The following PHF21B variants were observed in gnomAD, a reference collection of about 807,000 sequenced individuals.
The protein encoded by PHF21B is PHD finger protein 4.
A neutral mutation model predicts 62.2 loss-of-function variants in PHF21B; 22 were observed. That is an observed-to-expected ratio of 0.35 (90% CI 0.25 to 0.51). The LOEUF (loss-of-function observed/expected upper bound fraction) is 0.51. Ranked by LOEUF, PHF21B falls within the 20% of genes least tolerant of loss-of-function variation. The pLI is 0.97. For synonymous variants in PHF21B, 341 were observed against 314.7 expected (o/e 1.08, Z -0.88); for missense variants, 701 against 707.9 (o/e 0.99, Z 0.11).
intron 2 of PHF21B, among the ~76,000 whole-genome samples, chr22:44,935,760 TCA>T (rs1236674319): frequency 1.3e-5 from 2 of 152,170 alleles, no homozygotes; most frequent in African/African-American, 4.8e-5. Flanking sequence ...CTCCTGAGCC[TCA>T]GTTTCCTCAT....
chr22:44,889,654 G>A, intron 9 of PHF21B, 106 bp downstream of exon 9: 2 of 1,382,488 alleles, frequency 1.4e-6, no homozygotes, highest in Non-Finnish European at 2.0e-6. Context: ...AAGGCCTTCT[G>A]CACCACTCCG....
chr22:44,897,210 T>A (rs887090780), intron 5 of PHF21B, among the ~76,000 whole-genome samples: 1 of 152,092 alleles, frequency 6.6e-6, no homozygotes, highest in African/African-American at 2.4e-5. Flanking sequence ...CATGACACTG[T>A]ATTGTCTACA....
chr22:44,901,777 C>T (rs538632838), intron 5 of PHF21B: 232 of 306,852 alleles, frequency 7.6e-4, no homozygotes, highest in Non-Finnish European at 9.3e-4. Flanking sequence ...CCAGAAAGGC[C>T]GTGTACAAGA....
At chr22:44,915,500 C>T (rs1436909631) in intron 4 of PHF21B, among the ~76,000 whole-genome samples, 1 of 152,220 alleles carries the variant, frequency 6.6e-6, no homozygotes, top group Non-Finnish European at 1.5e-5. Context: ...CCACCATGGC[C>T]CATGACAACT....
chr22:44,895,648 G>A (rs28460458), intron 6 of PHF21B, among the ~76,000 whole-genome samples: 12,026 of 152,180 alleles, frequency 0.079, 486 homozygotes, highest in African/African-American at 0.1. Flanking sequence ...TGGTGGGACC[G>A]GGCAGTCTGC....
rs34100382 is a variant in PHF21B at position 44,923,331 on chromosome 22, C to CAA, written c.121-2843_121-2842dup. ...CTTCAGTCCATACCACATACCATAT[C>CAA]AAAAAAAAAAAAAAAAGAACAAATG... On this transcript the variant is annotated intron_variant, in intron 2 of 12. Coordinates refer to ENST00000313237, the MANE Select transcript of PHF21B (RefSeq NM_138415.5). 9.6e-5 allele frequency among the ~76,000 whole-genome samples: 12 copies of CAA among 125,108 alleles called. 2 individuals are homozygous for CAA. The highest frequency in any genetic ancestry group is 1.4e-4 in the African/African-American group (5 of 34,928). 82.1% of individuals were successfully genotyped at this position (125,108 alleles called of 152,430 possible). A position where few individuals can be genotyped will look rare whatever the true frequency, so the allele number is the denominator to read the frequency against.
intron 4 of PHF21B, 121 bp downstream of exon 4, chr22:44,916,159 A>G (rs750188508): frequency 2.2e-6 from 2 of 928,556 alleles, no homozygotes; most frequent in Non-Finnish European, 1.6e-6. Context: ...CCACTTGATC[A>G]TTCTGCCTCC....
In PHF21B at chr22:44,967,501, G is replaced by GT. The variant is rs753262310; in HGVS notation, c.120+41043dup. Among the ~76,000 whole-genome samples the GT allele has an allele frequency of 2.6e-4, 40 of 152,274 alleles. No homozygotes were observed. The East Asian group carries it at 3.1e-3, about 12-fold the overall frequency. On this transcript the variant is annotated intron_variant, in intron 2 of 12. Transcript: ENST00000313237. ...CTCCCAAAGTGCTGGGATTACAGGCGTGAGCCACTGTGCCCGGCCAGTCTT... is the reference window on the plus strand; with the variant it reads ...CTCCCAAAGTGCTGGGATTACAGGCGTTGAGCCACTGTGCCCGGCCAGTCTT...
At chr22:44,992,064 T>C (rs985685530) in intron 2 of PHF21B, among the ~76,000 whole-genome samples, 1 of 152,206 alleles carries the variant, frequency 6.6e-6, no homozygotes, top group Non-Finnish European at 1.5e-5. Context: ...TCTTGACCAA[T>C]GTAAGTGACG....
chr22:44,938,244 G>GT (rs1321797666), intron 2 of PHF21B, among the ~76,000 whole-genome samples: 35 of 150,338 alleles, frequency 2.3e-4, no homozygotes, highest in Admixed American at 2.3e-3. Flanking sequence ...CTGGTTTTTT[G>GT]TTTTTTTGAG....
rs567526834 is a variant in PHF21B, at chr22:44,944,430, G to A, written c.121-23940C>T. Among the ~76,000 whole-genome samples, 182 of 152,312 alleles carry A rather than the reference G, an allele frequency of 1.2e-3. 2 individuals are homozygous for A. The highest frequency in any genetic ancestry group is 4.3e-3 in the African/African-American group (177 of 41,556). On this transcript the variant is annotated intron_variant, in intron 2 of 12. Coordinates refer to ENST00000313237, the MANE Select transcript of PHF21B (RefSeq NM_138415.5). ...CATTCCTCCTCTCTGGTCATCTGAA[G>A]CACCCTCTGGATTCTGGGAGCTATC...
At chr22:44,944,294 C>A (rs897690436) in intron 2 of PHF21B, among the ~76,000 whole-genome samples, 3 of 152,218 alleles carry the variant, frequency 2.0e-5, no homozygotes, top group Non-Finnish European at 4.4e-5. Context: ...TTCCTTTCCA[C>A]GTGCATCTTA....
chr22:44,935,638 A>G (rs1164408876), intron 2 of PHF21B, among the ~76,000 whole-genome samples: 1 of 152,074 alleles, frequency 6.6e-6, no homozygotes, highest in Admixed American at 6.5e-5. Context: ...AAACAAAAAA[A>G]AAACAGAAGC....
intron 1 of PHF21B, chr22:45,008,931 G>A (rs1480274470): frequency 3.6e-6 from 4 of 1,111,172 alleles, no homozygotes; most frequent in East Asian, 4.7e-5. Context: ...TGTGCCGGGG[G>A]AGGGGGGAGG....
At chr22:44,954,834 C>A (rs542916476) in intron 2 of PHF21B, among the ~76,000 whole-genome samples, 1 of 152,226 alleles carries the variant, frequency 6.6e-6, no homozygotes, top group Non-Finnish European at 1.5e-5. Context: ...AAGACAGGCT[C>A]TGGGCAGGCC....
intron 2 of PHF21B, among the ~76,000 whole-genome samples, chr22:44,930,326 C>A (rs1168680725): frequency 6.6e-6 from 1 of 152,224 alleles, no homozygotes; most frequent in Admixed American, 6.5e-5. Context: ...AGAAAGTGAT[C>A]AGAAGCAAAC....
At chr22:44,894,513 G>A (rs769576851) in intron 6 of PHF21B, among the ~76,000 whole-genome samples, 39 of 152,132 alleles carry the variant, frequency 2.6e-4, no homozygotes, top group African/African-American at 5.3e-4. Context: ...CCGTGGTTTC[G>A]GTCAGAGATT....
intron 2 of PHF21B, among the ~76,000 whole-genome samples, chr22:44,972,813 C>T (rs923738335): frequency 6.6e-6 from 1 of 152,200 alleles, no homozygotes; most frequent in African/African-American, 2.4e-5. Flanking sequence ...GTGTGTCCGT[C>T]CCCCTACAGA....
intron 2 of PHF21B, among the ~76,000 whole-genome samples, chr22:44,951,520 T>C (rs369392262): frequency 2.2e-4 from 33 of 152,310 alleles, no homozygotes; most frequent in African/African-American, 7.9e-4. Flanking sequence ...GAATCCCTGC[T>C]TTACATAAAA....
Sources: allele counts gnomAD v4.1 joint callset (sites outside exome capture counted in the v4.1 genomes callset), GRCh38; gene constraint gnomAD v4.1.1; transcripts MANE v1.5; gene names NCBI Gene and HGNC (gene_info 2026-07-23, HGNC 2026-07-21).